The following SYBU variants were observed in gnomAD, a reference collection of about 807,000 sequenced individuals.
The protein encoded by SYBU is syntabulin.
Under a neutral mutation model 35.9 loss-of-function variants are expected in SYBU, and 21 were observed. That is an observed-to-expected ratio of 0.58 (90% CI 0.41 to 0.84). The LOEUF (loss-of-function observed/expected upper bound fraction) is 0.84. Among genes scored for constraint, SYBU ranks in the 40% least tolerant of loss-of-function variants. SYBU has a pLI of 0.00. For synonymous variants in SYBU, 319 were observed against 324.3 expected (o/e 0.98, Z 0.18); for missense variants, 768 against 848.2 (o/e 0.91, Z 1.17).
chr8:109,618,754 C>T (rs374089197), intron 3 of SYBU, 88 bp downstream of exon 3: 94 of 1,215,644 alleles, frequency 7.7e-5, no homozygotes, highest in Non-Finnish European at 1.0e-4. Context: ...TTGTGATCCC[C>T]GACTCGATAT....
At chr8:109,637,580 T>C (rs774501083) in intron 2 of SYBU, among the ~76,000 whole-genome samples, 1 of 152,072 alleles carries the variant, frequency 6.6e-6, no homozygotes, top group Non-Finnish European at 1.5e-5. Flanking sequence ...ATTGATAGGG[T>C]CTTTTTTTTT....
intron 2 of SYBU, among the ~76,000 whole-genome samples, chr8:109,637,452 C>T (rs532596658): frequency 4.7e-4 from 72 of 152,284 alleles, no homozygotes; most frequent in African/African-American, 1.6e-3. Flanking sequence ...AGAAATACTG[C>T]CTATATGCCT....
chr8:109,685,109 G>A (rs756360842), upstream of SYBU, among the ~76,000 whole-genome samples: 3 of 152,112 alleles, frequency 2.0e-5, no homozygotes, highest in African/African-American at 4.8e-5. Flanking sequence ...TCTAATTACC[G>A]ACTGGGTTAC....
chr8:109,598,198 G>A (rs1825114080), intron 3 of SYBU, among the ~76,000 whole-genome samples: 1 of 152,232 alleles, frequency 6.6e-6, no homozygotes, highest in African/African-American at 2.4e-5. Flanking sequence ...CTGACAAAGT[G>A]AGAGCAGCCG....
chr8:109,626,363 C>T (rs888899766), intron 2 of SYBU, among the ~76,000 whole-genome samples: 2 of 152,108 alleles, frequency 1.3e-5, no homozygotes, highest in African/African-American at 4.8e-5. Context: ...GTTTCACTTT[C>T]ATTTAAATTA....
At chr8:109,631,926 C>T (rs1813668289) in intron 2 of SYBU, among the ~76,000 whole-genome samples, 1 of 151,216 alleles carries the variant, frequency 6.6e-6, no homozygotes, top group African/African-American at 2.4e-5. Context: ...TTTTTAAAGG[C>T]TCAGTTTTTT....
intron 3 of SYBU, among the ~76,000 whole-genome samples, chr8:109,592,958 T>C (rs925048126): frequency 4.6e-5 from 7 of 151,200 alleles, no homozygotes; most frequent in African/African-American, 9.7e-5. Flanking sequence ...AGTTAATGCA[T>C]AGAAAGTGCT....
chr8:109,605,079 C>T (rs903152551), intron 3 of SYBU, among the ~76,000 whole-genome samples: 4 of 152,126 alleles, frequency 2.6e-5, no homozygotes, highest in East Asian at 1.9e-4. Context: ...CAAATAGAAA[C>T]GTCAGCTGAG....
chr8:109,582,534 CAA>C (rs1823155033), intron 4 of SYBU, among the ~76,000 whole-genome samples: 1 of 152,174 alleles, frequency 6.6e-6, no homozygotes, highest in South Asian at 2.1e-4. Context: ...AACCCTTCTA[CAA>C]ACCTGAATAC....
intron 1 of SYBU, among the ~76,000 whole-genome samples, chr8:109,660,176 G>C (rs1263359036): frequency 6.0e-5 from 9 of 150,922 alleles, no homozygotes; most frequent in Admixed American, 5.9e-4. Flanking sequence ...TAAATCAAAA[G>C]TAAAAGTCTT....
At chr8:109,671,180 A>T (rs1351108849) in intron 1 of SYBU, among the ~76,000 whole-genome samples, 1 of 152,230 alleles carries the variant, frequency 6.6e-6, no homozygotes, top group Non-Finnish European at 1.5e-5. Flanking sequence ...ATGCAAAAAA[A>T]ATATTTATGT....
upstream of SYBU, chr8:109,648,076 C>T (rs1182160035): frequency 1.3e-5 from 2 of 151,868 alleles, no homozygotes; most frequent in African/African-American, 2.4e-5. Flanking sequence ...GTCTTCTTTC[C>T]CCTGCTTTAA....
chr8:109,680,756 A>G (rs1403855577), exon 1 of SYBU: 1 of 152,260 alleles, frequency 6.6e-6, no homozygotes, highest in Non-Finnish European at 1.5e-5. Flanking sequence ...TCAGCCAAAT[A>G]GAAAGAACAT....
chr8:109,682,633 A>C (rs1817427655), upstream of SYBU, among the ~76,000 whole-genome samples: 1 of 152,106 alleles, frequency 6.6e-6, no homozygotes, highest in South Asian at 2.1e-4. Flanking sequence ...GAAAAGAAAA[A>C]CCCATTTTCT....
intron 1 of SYBU, chr8:109,644,321 T>G: frequency 7.1e-6 from 4 of 562,516 alleles, no homozygotes; most frequent in East Asian, 3.5e-5. Flanking sequence ...CGCGGATGCA[T>G]CAAATTCCTT....
At position 109,660,574 on chromosome 8, in the gene SYBU, G is replaced by A. The variant is rs533187344; in HGVS notation, c.-129+20137C>T. Among the ~76,000 whole-genome samples the A allele has an allele frequency of 5.9e-5, 9 of 152,196 alleles. No homozygotes were observed. The East Asian group carries it at 1.7e-3, about 29-fold the overall frequency. ...AAACATAGGGAAACCTTTAATTCAG[G>A]CTAAGGAAAAGAATAAAGTGGTTAA... On this transcript the variant is annotated intron_variant, in intron 1 of 5. Transcript: ENST00000408889.
At chr8:109,679,788 G>C (rs888189947) in intron 1 of SYBU, among the ~76,000 whole-genome samples, 1 of 152,192 alleles carries the variant, frequency 6.6e-6, no homozygotes, top group Non-Finnish European at 1.5e-5. Flanking sequence ...TGCCTTTAGA[G>C]CACTGGCCAA....
intron 3 of SYBU, among the ~76,000 whole-genome samples, chr8:109,591,045 C>T (rs867931874): frequency 6.6e-6 from 1 of 152,198 alleles, no homozygotes; most frequent in Non-Finnish European, 1.5e-5. Context: ...TTATTCTGCA[C>T]ATAAGGATCC....
chr8:109,666,630 A>G (rs1286786525), intron 1 of SYBU, among the ~76,000 whole-genome samples: 1 of 152,128 alleles, frequency 6.6e-6, no homozygotes, highest in Non-Finnish European at 1.5e-5. Flanking sequence ...AATCCTTGCT[A>G]TTTGGGAGAC....
Sources: gnomAD v4.1 joint callset for allele counts (sites outside exome capture counted in the v4.1 genomes callset) on GRCh38, gnomAD v4.1.1 for gene constraint, MANE v1.5 for transcripts, NCBI Gene and HGNC (gene_info 2026-07-23, HGNC 2026-07-21) for gene names.